Variants in OPCML observed in about 807,000 individuals in gnomAD.
OPCML encodes the protein opioid-binding protein/cell adhesion molecule.
OPCML carries 13 observed loss-of-function variants against 37.8 expected under a neutral mutation model. That is an observed-to-expected ratio of 0.34 (90% CI 0.22 to 0.55). OPCML has a LOEUF of 0.55. OPCML is among the 20% of genes least tolerant of loss of function. The pLI is 0.91. For synonymous variants in OPCML, 176 were observed against 168.8 expected, an observed-to-expected ratio of 1.04 and a Z score of -0.33; for missense variants, 341 against 435.6, an observed-to-expected ratio of 0.78 and a Z score of 1.93.
intron 1 of OPCML, among the ~76,000 whole-genome samples, chr11:133,426,948 AC>A (rs1348838566): frequency 5.9e-5 from 9 of 152,220 alleles, no homozygotes; most frequent in African/African-American, 2.2e-4. Context: ...ATTTTCAAGA[AC>A]ATTTATGCAA....
intron 1 of OPCML, among the ~76,000 whole-genome samples, chr11:133,435,146 C>G (rs189992642): frequency 1.3e-5 from 2 of 152,006 alleles, no homozygotes; most frequent in East Asian, 3.9e-4. Context: ...AAAGGGGTCA[C>G]TTATATTTTT....
intron 1 of OPCML, among the ~76,000 whole-genome samples, chr11:133,273,482 T>G (rs1941908709): frequency 6.6e-6 from 1 of 152,186 alleles, no homozygotes; most frequent in Non-Finnish European, 1.5e-5. Context: ...ATTAAGCCTC[T>G]CCATGAAAGG....
chr11:133,202,310 C>G (rs1198039281), intron 1 of OPCML, among the ~76,000 whole-genome samples: 3 of 152,200 alleles, frequency 2.0e-5, no homozygotes, highest in Non-Finnish European at 1.5e-5. Flanking sequence ...CATTTTCCCT[C>G]TGCCACCAAT....
chr11:133,461,323 C>G (rs1224300520), intron 1 of OPCML, among the ~76,000 whole-genome samples: 1 of 151,772 alleles, frequency 6.6e-6, no homozygotes, highest in African/African-American at 2.4e-5. Context: ...AGGTAAAAAA[C>G]TCTAAATGTC....
chr11:132,906,829 T>C (rs1462448485), intron 2 of OPCML, among the ~76,000 whole-genome samples: 1 of 152,212 alleles, frequency 6.6e-6, no homozygotes, highest in African/African-American at 2.4e-5. Flanking sequence ...GTTTCCTTGG[T>C]TGAAACCCAA....
intron 3 of OPCML, among the ~76,000 whole-genome samples, chr11:132,653,051 T>C (rs1322940722): frequency 2.0e-5 from 3 of 152,192 alleles, no homozygotes; most frequent in Non-Finnish European, 2.9e-5. Context: ...ATGCTGAATC[T>C]CAAATATGCC....
chr11:132,445,617 C>T (rs966458904), intron 4 of OPCML, among the ~76,000 whole-genome samples: 1 of 152,172 alleles, frequency 6.6e-6, no homozygotes. Context: ...TAAAAATAGA[C>T]TCTTGTGTTC....
intron 1 of OPCML, among the ~76,000 whole-genome samples, chr11:133,069,912 G>A (rs997135570): frequency 6.6e-6 from 1 of 152,162 alleles, no homozygotes; most frequent in African/African-American, 2.4e-5. Flanking sequence ...TGTGGCTCTA[G>A]GTGGGAGAAG....
chr11:132,879,161 A>G (rs1372705716), intron 2 of OPCML, among the ~76,000 whole-genome samples: 2 of 152,242 alleles, frequency 1.3e-5, no homozygotes, highest in Non-Finnish European at 2.9e-5. Flanking sequence ...GAAATCACTG[A>G]TTCTGGTTTA....
At chr11:132,435,878 T>G (rs1481672657) in intron 7 of OPCML, among the ~76,000 whole-genome samples, 1 of 152,228 alleles carries the variant, frequency 6.6e-6, no homozygotes, top group East Asian at 1.9e-4. Context: ...AACTTTGCCT[T>G]TTAATGACCA....
chr11:132,426,247 T>G (rs1321013766), intron 7 of OPCML, among the ~76,000 whole-genome samples: 1 of 152,172 alleles, frequency 6.6e-6, no homozygotes, highest in Non-Finnish European at 1.5e-5. Flanking sequence ...GAGACAAGTT[T>G]CAGAAATGAC....
rs565700217 is a variant in OPCML, at chr11:133,076,077, C to G, written c.62-133067G>C. On this transcript the variant is annotated intron_variant, in intron 1 of 7. Transcript: ENST00000524381. ...GCTGTATGTTCTTCCATAATTTACT[C>G]TTGGTTTGTTATTTTTTATATAAAC... Among the ~76,000 whole-genome samples, 6 of 152,100 alleles carry G rather than the reference C, an allele frequency of 3.9e-5. No individual in the cohort carries two copies. In the South Asian group the frequency reaches 6.2e-4, roughly 16 times the overall value.
At chr11:133,489,316 A>G (rs79629634) in intron 1 of OPCML, among the ~76,000 whole-genome samples, 7 of 151,814 alleles carry the variant, frequency 4.6e-5, no homozygotes, top group Admixed American at 1.3e-4. Context: ...AAAAAAAAAA[A>G]CTGTAAACTA....
intron 1 of OPCML, among the ~76,000 whole-genome samples, chr11:133,318,382 C>A (rs1284192833): frequency 6.6e-6 from 1 of 152,152 alleles, no homozygotes; most frequent in East Asian, 1.9e-4. Context: ...TCCACCTCCT[C>A]CACCATCCCC....
chr11:132,757,735 C>T (rs1565838303), intron 2 of OPCML, among the ~76,000 whole-genome samples: 1 of 152,108 alleles, frequency 6.6e-6, no homozygotes, highest in Non-Finnish European at 1.5e-5. Flanking sequence ...AATTTTCTCC[C>T]ATTCTGTAGG....
intron 4 of OPCML, among the ~76,000 whole-genome samples, chr11:132,441,165 G>GTTTTTTTTTGTTTTTTTTT (rs2096031948): frequency 2.8e-5 from 2 of 72,402 alleles, no homozygotes; most frequent in Admixed American, 1.5e-4. Flanking sequence ...GGACTTTTTT[G>GTTTTTTTTTGTTTTTTTTT]TTTTTTTTTT....
At chr11:133,032,762 G>A (rs890069516) in intron 1 of OPCML, among the ~76,000 whole-genome samples, 2 of 152,122 alleles carry the variant, frequency 1.3e-5, no homozygotes, top group African/African-American at 4.8e-5. Flanking sequence ...GATCCTCCGT[G>A]ACTATTGCAT....
chr11:132,626,662 C>A (rs1939756405), intron 3 of OPCML, among the ~76,000 whole-genome samples: 1 of 148,154 alleles, frequency 6.7e-6, no homozygotes, highest in Non-Finnish European at 1.5e-5. Flanking sequence ...AGGATTAGAA[C>A]AAACTGCTTC....
At chr11:133,244,495 A>G (rs1940847857) in intron 1 of OPCML, among the ~76,000 whole-genome samples, 1 of 152,116 alleles carries the variant, frequency 6.6e-6, no homozygotes, top group African/African-American at 2.4e-5. Context: ...AAGTCCTGGA[A>G]TACACATGGT....
Sources: allele counts gnomAD v4.1 joint callset (sites outside exome capture counted in the v4.1 genomes callset), GRCh38; gene constraint gnomAD v4.1.1; transcripts MANE v1.5; gene names NCBI Gene and HGNC (gene_info 2026-07-23, HGNC 2026-07-21).